The following ARHGAP11B variants were observed in gnomAD, a reference collection of about 807,000 sequenced individuals.
ARHGAP11B encodes inactive Rho GTPase-activating protein 11B.
In ARHGAP11B, 14 loss-of-function variants were observed where a neutral mutation model predicts 27.6. The observed-to-expected ratio is 0.51, with a 90% CI of 0.34 to 0.79. The LOEUF (loss-of-function observed/expected upper bound fraction) is 0.79. ARHGAP11B is among the 30% of genes least tolerant of loss of function. The pLI is 0.02. For missense variants in ARHGAP11B, 245 were observed against 320.1 expected (o/e 0.77, Z 1.79); for synonymous variants, 82 against 114.1 (o/e 0.72, Z 1.80).
rs1205849143 is a variant in ARHGAP11B, at chr15:30,634,044, T to C, written c.298-126T>C. The C allele has an allele frequency of 2.2e-5, 14 of 648,866 alleles. 1 individual carries two copies. The highest frequency in any genetic ancestry group is 1.3e-4 in the South Asian group (6 of 47,992). 40.2% of individuals were successfully genotyped at this position (648,866 alleles called of 1,614,324 possible). ...AATCATTAAAAATAAAGTAGTGACA[T>C]ATATTAAAATAAGAGTTAAGAGAAA... On this transcript the variant is annotated intron_variant, in intron 3 of 10. Coordinates refer to ENST00000428041, the Ensembl canonical transcript of ARHGAP11B.
At chr15:30,639,576 C>T (rs528968531) in intron 7 of ARHGAP11B, among the ~76,000 whole-genome samples, 2 of 152,042 alleles carry the variant, frequency 1.3e-5, no homozygotes, top group African/African-American at 2.4e-5. Flanking sequence ...GTCAACTCTG[C>T]AGTAGAAGCA....
chr15:30,633,389 A>G, intron 2 of ARHGAP11B, 101 bp from the exon 3 acceptor site: 6 of 961,460 alleles, frequency 6.2e-6, no homozygotes, highest in Admixed American at 2.9e-5. Context: ...GTGGCTTTAG[A>G]GCCTCTGAAA....
At chr15:30,641,293 A>G (rs2338517) in intron 7 of ARHGAP11B, among the ~76,000 whole-genome samples, 3,636 of 151,718 alleles carry the variant, frequency 0.024, 140 homozygotes, top group African/African-American at 0.077. Flanking sequence ...ATATATAAAG[A>G]CAACATTAGT....
chr15:30,646,560 C>A (rs1485369422), intron 9 of ARHGAP11B, among the ~76,000 whole-genome samples: 1 of 151,730 alleles, frequency 6.6e-6, no homozygotes, highest in African/African-American at 2.4e-5. Flanking sequence ...AATATATAGG[C>A]TGAGGCAGGA....
chr15:30,628,293 G>A (rs1271908600), intron 1 of ARHGAP11B, among the ~76,000 whole-genome samples: 7 of 151,862 alleles, frequency 4.6e-5, no homozygotes, highest in African/African-American at 1.5e-4. Context: ...GTGTTAGCCA[G>A]GATGGTCTCG....
chr15:30,638,901 A>C, intron 7 of ARHGAP11B, 91 bp downstream of exon 7: 1 of 727,692 alleles, frequency 1.4e-6, no homozygotes, highest in Non-Finnish European at 2.0e-6. Context: ...ATAATTGCCT[A>C]ACTTAGTAAT....
rs184168852 is a variant in ARHGAP11B, at chr15:30,647,746, T to G, written c.*371+32T>G. The G allele has an allele frequency of 6.6e-3, 1,351 of 203,894 alleles. 29 individuals are homozygous for G. Among genetic ancestry groups the G allele is most frequent in the African/African-American group, 0.03 (1,273 of 42,040 alleles). 12.6% of individuals were successfully genotyped at this position (203,894 alleles called of 1,614,324 possible). ...AACATTTATATTTTAAAAATTATTT[T>G]TCATGACTTTATTAAGTAGTTATAG... On this transcript the variant is annotated intron_variant, in intron 10 of 10. Coordinates refer to ENST00000428041, the Ensembl canonical transcript of ARHGAP11B.
Position 30,648,227 on chromosome 15 carries a change from C to T in ARHGAP11B, c.*372-77C>T, listed in dbSNP as rs554425626. ...GTCCCTCATGTAGCACGTAGCTTCCCTATGATTTTATTTATAAGCTAATGA... is the reference window on the plus strand; with the variant it reads ...GTCCCTCATGTAGCACGTAGCTTCCTTATGATTTTATTTATAAGCTAATGA... On this transcript the variant is annotated intron_variant, in intron 10 of 10. Transcript: ENST00000428041. Among the ~76,000 whole-genome samples the T allele has an allele frequency of 5.9e-5, 9 of 152,152 alleles. 1 individual carries two copies. In the South Asian group the frequency reaches 1.9e-3, roughly 32 times the overall value.
chr15:30,636,065 A>G (rs960996089), intron 6 of ARHGAP11B, among the ~76,000 whole-genome samples: 6 of 151,206 alleles, frequency 4.0e-5, no homozygotes, highest in African/African-American at 7.3e-5. Context: ...AGTGTTCAGC[A>G]TAAGGATAAA....
At chr15:30,629,271 C>T (rs1295556584) in intron 1 of ARHGAP11B, among the ~76,000 whole-genome samples, 4 of 152,110 alleles carry the variant, frequency 2.6e-5, no homozygotes, top group Admixed American at 1.3e-4. Flanking sequence ...TTTGTGGGTG[C>T]GATGGCTCAC....
At chr15:30,647,772 C>A in intron 10 of ARHGAP11B, 1 of 182,446 alleles carries the variant, frequency 5.5e-6, no homozygotes. Flanking sequence ...GTAGTTATAG[C>A]ATACATACTT....
chr15:30,631,316 G>A (rs1249230002), intron 2 of ARHGAP11B, among the ~76,000 whole-genome samples: 1 of 151,772 alleles, frequency 6.6e-6, no homozygotes, highest in Non-Finnish European at 1.5e-5. Flanking sequence ...CTCAGATTAA[G>A]TAATATACTG....
chr15:30,628,275 G>A (rs10162615), intron 1 of ARHGAP11B, among the ~76,000 whole-genome samples: 38,160 of 151,030 alleles, frequency 0.25, 5,109 homozygotes, highest in Middle Eastern at 0.34. Context: ...TAGAGACGGG[G>A]TTTCACTGTG....
intron 4 of ARHGAP11B, 65 bp from the exon 5 acceptor site, chr15:30,635,015 C>G (rs971875372): frequency 1.5e-5 from 23 of 1,533,698 alleles, no homozygotes; most frequent in Non-Finnish European, 1.9e-5. Context: ...GTACTACATA[C>G]GTTATTTTAA....
chr15:30,630,820 C>CT (rs1226339976), intron 2 of ARHGAP11B, 47 bp downstream of exon 2: 1 of 1,606,372 alleles, frequency 6.2e-7, no homozygotes, highest in Admixed American at 1.7e-5. Context: ...TGGCATATGC[C>CT]TGTAACCCCA....
At chr15:30,643,378 A>G (rs1421379064) in intron 7 of ARHGAP11B, among the ~76,000 whole-genome samples, 1 of 151,100 alleles carries the variant, frequency 6.6e-6, no homozygotes, top group Non-Finnish European at 1.5e-5. Flanking sequence ...GACCGGGTTC[A>G]AGCTATTCTC....
intron 7 of ARHGAP11B, among the ~76,000 whole-genome samples, chr15:30,643,647 T>G (rs1337551115): frequency 6.6e-6 from 1 of 151,972 alleles, no homozygotes; most frequent in Non-Finnish European, 1.5e-5. Flanking sequence ...GAGTAACTGG[T>G]TGGGTGTTTT....
chr15:30,630,690 T>A lies in ARHGAP11B; in HGVS notation c.130-13T>A. On this transcript the variant is annotated splice_polypyrimidine_tract_variant and intron_variant, in intron 1 of 10. Coordinates refer to ENST00000428041, the Ensembl canonical transcript of ARHGAP11B. ...TAATATTTGTGTTAGAGTAACTGAA[T>A]TTGTCATTTTAGGGTAAAATATTTG... 6.3e-7 allele frequency: 1 copy of A among 1,593,752 alleles called. No homozygotes were observed. Among genetic ancestry groups the A allele is most frequent in the Non-Finnish European group, 8.6e-7 (1 of 1,168,196 alleles).
At chr15:30,633,273 G>T (rs1330085836) in intron 2 of ARHGAP11B, among the ~76,000 whole-genome samples, 1 of 151,990 alleles carries the variant, frequency 6.6e-6, no homozygotes. Context: ...AAAATTTAGT[G>T]TGCATATTGG....
Sources: allele counts gnomAD v4.1 joint callset (sites outside exome capture counted in the v4.1 genomes callset), GRCh38; gene constraint gnomAD v4.1.1; transcripts MANE v1.5; gene names NCBI Gene and HGNC (gene_info 2026-07-23, HGNC 2026-07-21).